The following RARB variants were observed in gnomAD, a reference collection of about 807,000 sequenced individuals.
The protein encoded by RARB is HBV-activated protein.
Under a neutral mutation model 51.9 loss-of-function variants are expected in RARB, and 17 were observed. The observed-to-expected ratio is 0.33, with a 90% CI of 0.22 to 0.49. The LOEUF (loss-of-function observed/expected upper bound fraction) is 0.49. Ranked by LOEUF, RARB falls within the 20% of genes least tolerant of loss-of-function variation. The pLI is 0.99. For missense variants in RARB, 369 were observed against 550.8 expected (o/e 0.67, Z 3.30); for synonymous variants, 215 against 195.4 (o/e 1.10, Z -0.84).
intron 1 of RARB, among the ~76,000 whole-genome samples, chr3:25,442,307 T>A (rs939891677): frequency 1.2e-4 from 18 of 152,046 alleles, no homozygotes; most frequent in Admixed American, 6.6e-5. Context: ...AGCTAATTTT[T>A]GTGTTTTTAG....
chr3:25,214,457 T>C (rs1319567544), intron 5 of RARB, among the ~76,000 whole-genome samples: 2 of 152,206 alleles, frequency 1.3e-5, no homozygotes, highest in African/African-American at 4.8e-5. Flanking sequence ...CAGTAGCTTT[T>C]AAAAATAAAT....
intron 4 of RARB, among the ~76,000 whole-genome samples, chr3:25,135,054 C>CT (rs11455739): frequency 0.21 from 30,807 of 143,428 alleles, 4,040 homozygotes; most frequent in South Asian, 0.35. Context: ...TTCCTTTTCC[C>CT]TTTTTTTTTT....
chr3:25,155,917 A>G (rs1700365812), intron 4 of RARB, among the ~76,000 whole-genome samples: 1 of 152,130 alleles, frequency 6.6e-6, no homozygotes, highest in South Asian at 2.1e-4. Context: ...TGTTTTCCTT[A>G]ACTTAAAACC....
chr3:25,241,556 A>G (rs1183433116), intron 5 of RARB, among the ~76,000 whole-genome samples: 1 of 152,118 alleles, frequency 6.6e-6, no homozygotes, highest in Admixed American at 6.5e-5. Context: ...ATGAATGAGA[A>G]CATGCAGTGT....
At chr3:24,908,337 TA>T (rs1325302797) in intron 2 of RARB, among the ~76,000 whole-genome samples, 2 of 151,526 alleles carry the variant, frequency 1.3e-5, no homozygotes, top group African/African-American at 2.4e-5. Context: ...GCCTATTTTT[TA>T]AAAAATATGT....
intron 3 of RARB, among the ~76,000 whole-genome samples, chr3:25,527,084 T>C (rs1167394627): frequency 6.6e-6 from 1 of 152,220 alleles, no homozygotes; most frequent in Non-Finnish European, 1.5e-5. Flanking sequence ...ATGGACTATG[T>C]ACACCAGTCA....
At chr3:25,342,172 C>T (rs2125451365) in intron 5 of RARB, among the ~76,000 whole-genome samples, 1 of 152,322 alleles carries the variant, frequency 6.6e-6, no homozygotes. Context: ...TTTCAGGAAT[C>T]ACGTGAAGTT....
intron 5 of RARB, among the ~76,000 whole-genome samples, chr3:25,246,418 T>C (rs1354882466): frequency 1.3e-5 from 2 of 152,194 alleles, no homozygotes; most frequent in Non-Finnish European, 2.9e-5. Flanking sequence ...TTTTGGAATT[T>C]TCCGCCTTTT....
chr3:24,973,176 G>C (rs1400710114), intron 2 of RARB, among the ~76,000 whole-genome samples: 2 of 151,944 alleles, frequency 1.3e-5, no homozygotes, highest in Non-Finnish European at 2.9e-5. Flanking sequence ...TAAGGGCCTA[G>C]TTCATTCTTC....
chr3:25,094,560 T>C (rs898706770), intron 3 of RARB, among the ~76,000 whole-genome samples: 1 of 151,394 alleles, frequency 6.6e-6, no homozygotes, highest in African/African-American at 2.4e-5. Context: ...CTACCAAAAA[T>C]ACAAAAAATT....
chr3:25,267,409 T>C (rs1263128566), intron 5 of RARB, among the ~76,000 whole-genome samples: 1 of 152,178 alleles, frequency 6.6e-6, no homozygotes, highest in East Asian at 1.9e-4. Context: ...ACCCCCGTCT[T>C]TCACCTCACA....
chr3:25,097,656 C>A (rs1339471592), intron 3 of RARB, among the ~76,000 whole-genome samples: 2 of 152,090 alleles, frequency 1.3e-5, no homozygotes, highest in Non-Finnish European at 2.9e-5. Context: ...AAAACAAAAG[C>A]TTTCTAATTC....
chr3:24,913,928 T>C (rs1328144285), intron 2 of RARB, among the ~76,000 whole-genome samples: 2 of 152,242 alleles, frequency 1.3e-5, no homozygotes, highest in Non-Finnish European at 2.9e-5. Flanking sequence ...TCTTAGAATT[T>C]AAGCTCTAGT....
intron 5 of RARB, among the ~76,000 whole-genome samples, chr3:25,219,089 T>A (rs1435684092): frequency 3.9e-5 from 6 of 152,202 alleles, no homozygotes; most frequent in African/African-American, 1.4e-4. Context: ...CTACTATGTG[T>A]TAAGCTCTGT....
At chr3:24,963,204 A>G (rs1027835235) in intron 2 of RARB, among the ~76,000 whole-genome samples, 32 of 152,094 alleles carry the variant, frequency 2.1e-4, no homozygotes, top group African/African-American at 7.5e-4. Flanking sequence ...TCCACAGGGC[A>G]TGGTGAATCT....
intron 5 of RARB, among the ~76,000 whole-genome samples, chr3:25,372,021 T>C (rs887464764): frequency 6.6e-6 from 1 of 152,110 alleles, no homozygotes; most frequent in African/African-American, 2.4e-5. Flanking sequence ...AAACTTGGCC[T>C]GTTGGAGGGA....
At chr3:25,547,390 G>A (rs1471805037) in intron 3 of RARB, among the ~76,000 whole-genome samples, 3 of 152,190 alleles carry the variant, frequency 2.0e-5, no homozygotes, top group Non-Finnish European at 4.4e-5. Flanking sequence ...ACTAATGGAT[G>A]TCAAGTACTT....
At chr3:25,519,366 G>A (rs1698307529) in intron 3 of RARB, among the ~76,000 whole-genome samples, 1 of 152,070 alleles carries the variant, frequency 6.6e-6, no homozygotes, top group Admixed American at 6.6e-5. Context: ...TATTCTACCT[G>A]CCATTTTACC....
intron 2 of RARB, among the ~76,000 whole-genome samples, chr3:24,918,525 CT>C: frequency 6.6e-6 from 1 of 152,306 alleles, no homozygotes; most frequent in South Asian, 2.1e-4. Context: ...AAATTATACA[CT>C]TATAACAGGT....
Sources: gnomAD v4.1 joint callset for allele counts (sites outside exome capture counted in the v4.1 genomes callset) on GRCh38, gnomAD v4.1.1 for gene constraint, MANE v1.5 for transcripts, NCBI Gene and HGNC (gene_info 2026-07-23, HGNC 2026-07-21) for gene names.